CLSTN2: variants seen among roughly 807,000 people sequenced by gnomAD.
The protein encoded by CLSTN2 is calsyntenin 2.
A neutral mutation model predicts 101.2 loss-of-function variants in CLSTN2; 48 were observed. That is an observed-to-expected ratio of 0.47 (90% CI 0.38 to 0.60). The LOEUF is 0.60. CLSTN2 is among the 20% of genes least tolerant of loss of function. CLSTN2 has a pLI of 0.00. For missense variants in CLSTN2, 1,160 were observed against 1,238.2 expected (o/e 0.94, Z 0.95); for synonymous variants, 481 against 463.6 (o/e 1.04, Z -0.48).
At chr3:140,198,070 T>C (rs2010668432) in intron 2 of CLSTN2, among the ~76,000 whole-genome samples, 2 of 152,174 alleles carry the variant, frequency 1.3e-5, no homozygotes, top group Non-Finnish European at 2.9e-5. Context: ...AATGGAAAGG[T>C]TTTAGAAGGC....
intron 5 of CLSTN2, among the ~76,000 whole-genome samples, chr3:140,442,695 T>C (rs1375368946): frequency 6.6e-6 from 1 of 152,194 alleles, no homozygotes; most frequent in Non-Finnish European, 1.5e-5. Context: ...ACACCAGGAC[T>C]AACCCAACTG....
chr3:139,955,130 A>ATATATATATG (rs1269690744), intron 1 of CLSTN2, among the ~76,000 whole-genome samples: 2 of 141,636 alleles, frequency 1.4e-5, no homozygotes, highest in Non-Finnish European at 3.1e-5. Flanking sequence ...ATATATATAT[A>ATATATATATG]TATATATATG....
chr3:140,093,149 C>T (rs2107786566), intron 1 of CLSTN2, among the ~76,000 whole-genome samples: 1 of 152,304 alleles, frequency 6.6e-6, no homozygotes, highest in East Asian at 1.9e-4. Flanking sequence ...ACTCCCTCAA[C>T]TGCAGCACGG....
chr3:140,536,623 G>C (rs1013483075), intron 9 of CLSTN2, among the ~76,000 whole-genome samples: 4 of 152,174 alleles, frequency 2.6e-5, no homozygotes, highest in Admixed American at 1.3e-4. Context: ...ACCTTATCAT[G>C]CAGTGTTTTA....
chr3:139,999,054 C>T (rs977820656), intron 1 of CLSTN2, among the ~76,000 whole-genome samples: 1 of 152,116 alleles, frequency 6.6e-6, no homozygotes, highest in African/African-American at 2.4e-5. Flanking sequence ...GTGACCTACC[C>T]GGCCTGGGAG....
Position 140,175,973 on chromosome 3 carries a change from C to T in CLSTN2, c.132C>T (p.Ile44=), listed in dbSNP as rs184749243. The change falls in exon 2 of 17, where the codon ATC becomes ATT. Residue 44 remains isoleucine (I), a synonymous_variant. Transcript: ENST00000458420. The part of the protein sequence containing the change: ...AAKVNKHKPW[I]ETSYHGVITE... ...TAGTCAATAAGCACAAGCCATGGAT[C>T]GAGACTTCATATCATGGAGTCATAA... 58 of 1,612,984 alleles carry T rather than the reference C, an allele frequency of 3.6e-5. No homozygotes were observed. Among genetic ancestry groups the T allele is most frequent in the South Asian group, 6.6e-5 (6 of 90,980 alleles).
chr3:140,051,432 T>A (rs1188462437), intron 1 of CLSTN2, among the ~76,000 whole-genome samples: 4 of 152,172 alleles, frequency 2.6e-5, no homozygotes, highest in African/African-American at 7.2e-5. Flanking sequence ...CTCAGCATGG[T>A]CGCTGCACAT....
intron 1 of CLSTN2, among the ~76,000 whole-genome samples, chr3:139,978,278 C>CTA (rs1935854986): frequency 6.6e-6 from 1 of 152,174 alleles, no homozygotes; most frequent in African/African-American, 2.4e-5. Context: ...CATGGGATAT[C>CTA]TATACACTTG....
chr3:140,517,607 A>C (rs56312033), intron 8 of CLSTN2, among the ~76,000 whole-genome samples: 21,386 of 152,140 alleles, frequency 0.14, 1,604 homozygotes, highest in African/African-American at 0.16. Context: ...CTAGCCACCC[A>C]GCAGAACTAC....
chr3:140,102,045 G>A (rs139615017), intron 1 of CLSTN2, among the ~76,000 whole-genome samples: 2 of 152,278 alleles, frequency 1.3e-5, no homozygotes, highest in African/African-American at 4.8e-5. Flanking sequence ...GGATTTCTTA[G>A]TTCAAATTCT....
intron 2 of CLSTN2, among the ~76,000 whole-genome samples, chr3:140,259,200 C>T (rs1008275464): frequency 4.7e-5 from 7 of 149,106 alleles, no homozygotes; most frequent in African/African-American, 4.9e-5. Flanking sequence ...GGGCTGGGTG[C>T]GGTGGCTCAC....
chr3:140,555,410 C>G (rs1489317140), intron 10 of CLSTN2, among the ~76,000 whole-genome samples: 8 of 152,072 alleles, frequency 5.3e-5, no homozygotes, highest in Non-Finnish European at 1.0e-4. Context: ...AACAATAATG[C>G]AATTTACCAC....
intron 2 of CLSTN2, among the ~76,000 whole-genome samples, chr3:140,258,385 G>A (rs1286304981): frequency 6.6e-6 from 1 of 152,092 alleles, no homozygotes; most frequent in East Asian, 1.9e-4. Flanking sequence ...ATCCATGGCC[G>A]GGCTTTGGGA....
At chr3:140,079,406 A>G (rs1198316178) in intron 1 of CLSTN2, among the ~76,000 whole-genome samples, 1 of 152,206 alleles carries the variant, frequency 6.6e-6, no homozygotes, top group Non-Finnish European at 1.5e-5. Flanking sequence ...ATCTCTAGAA[A>G]TACTCAAGCA....
rs990364414 is a variant in CLSTN2, at chr3:140,567,960, A to G, written c.*1707A>G. On this transcript the variant is annotated 3_prime_UTR_variant, in exon 17 of 17. Coordinates refer to ENST00000458420, the MANE Select transcript of CLSTN2 (RefSeq NM_022131.3). Reference sequence around the variant, plus strand: ...CCTTGTGAAGCTTTTCCCACCTCCTAAAGTGTTTTCTGCATCTGTTCCTTC... The same window carrying G: ...CCTTGTGAAGCTTTTCCCACCTCCTGAAGTGTTTTCTGCATCTGTTCCTTC... 3 of 152,206 alleles carry G rather than the reference A, an allele frequency of 2.0e-5. No individual in the cohort carries two copies. Among genetic ancestry groups the G allele is most frequent in the African/African-American group, 7.2e-5 (3 of 41,454 alleles). The allele number at this position is 152,206 out of a possible 1,614,324, so 9.4% of individuals were successfully genotyped here. A position where few individuals can be genotyped will look rare whatever the true frequency, so the allele number is the denominator to read the frequency against.
intron 6 of CLSTN2, among the ~76,000 whole-genome samples, chr3:140,456,365 T>C (rs1012304272): frequency 6.6e-6 from 1 of 152,200 alleles, no homozygotes; most frequent in Non-Finnish European, 1.5e-5. Context: ...ATCTGTAACC[T>C]GGAATCTTAA....
chr3:140,073,164 C>A (rs1315044048), intron 1 of CLSTN2, among the ~76,000 whole-genome samples: 1 of 152,148 alleles, frequency 6.6e-6, no homozygotes, highest in Non-Finnish European at 1.5e-5. Flanking sequence ...TGTAAGATAT[C>A]ATCAAAGTGA....
At chr3:140,039,866 C>T (rs941362331) in intron 1 of CLSTN2, among the ~76,000 whole-genome samples, 17 of 152,106 alleles carry the variant, frequency 1.1e-4, no homozygotes, top group Admixed American at 5.9e-4. Context: ...TTAAACAATA[C>T]CAACTAGATT....
chr3:139,950,104 T>C (rs1211326989), intron 1 of CLSTN2, among the ~76,000 whole-genome samples: 1 of 152,110 alleles, frequency 6.6e-6, no homozygotes, highest in East Asian at 1.9e-4. Context: ...GATTTCCAGG[T>C]TGTGTATGTA....
Sources: gnomAD v4.1 joint callset for allele counts (sites outside exome capture counted in the v4.1 genomes callset) on GRCh38, gnomAD v4.1.1 for gene constraint, MANE v1.5 for transcripts, NCBI Gene and HGNC (gene_info 2026-07-23, HGNC 2026-07-21) for gene names.